ZC2HC1B: variants seen among roughly 807,000 people sequenced by gnomAD.
ZC2HC1B encodes the protein zinc finger C2HC-type containing 1B, also known as zinc finger C2HC domain-containing protein 1B.
Under a neutral mutation model 31.0 loss-of-function variants are expected in ZC2HC1B, and 36 were observed. That is an observed-to-expected ratio of 1.16 (90% CI 0.89 to 1.54). ZC2HC1B has a LOEUF of 1.54. Among genes scored for constraint, ZC2HC1B ranks in the 40% most tolerant of loss-of-function variants. The pLI is 0.00. For synonymous variants in ZC2HC1B, 73 were observed against 88.0 expected (o/e 0.83, Z 0.95); for missense variants, 260 against 268.6 (o/e 0.97, Z 0.22).
chr6:143,893,695 T>G (rs944101872), intron 4 of ZC2HC1B, among the ~76,000 whole-genome samples: 6 of 152,244 alleles, frequency 3.9e-5, no homozygotes, highest in Admixed American at 3.3e-4. Flanking sequence ...CTTTTCTTTC[T>G]TTTCTTTTTG....
In ZC2HC1B at chr6:143,902,526, A is replaced by C. The variant is rs559770987; in HGVS notation, c.490-518A>C. 7.9e-5 allele frequency among the ~76,000 whole-genome samples: 12 copies of C among 152,222 alleles called. No individual in the cohort carries two copies. In the South Asian group the frequency reaches 2.3e-3, roughly 29 times the overall value. ...GGCAAGATAAAAGGAGCATGTGAGAAACCTTTTGGTCCTTATTTCGTTTTA... is the reference window on the plus strand; with the variant it reads ...GGCAAGATAAAAGGAGCATGTGAGACACCTTTTGGTCCTTATTTCGTTTTA... On this transcript the variant is annotated intron_variant, in intron 5 of 7. Coordinates refer to ENST00000237275, the MANE Select transcript of ZC2HC1B (RefSeq NM_001013623.3).
intron 4 of ZC2HC1B, among the ~76,000 whole-genome samples, chr6:143,897,956 T>A (rs1777688034): frequency 6.6e-6 from 1 of 152,228 alleles, no homozygotes; most frequent in South Asian, 2.1e-4. Context: ...ATAATTCATT[T>A]CATTGAGAAG....
In ZC2HC1B at chr6:143,924,945, T is replaced by A. The variant is rs1008446399; in HGVS notation, c.599-12704T>A. On this transcript the variant is annotated intron_variant, in intron 6 of 7. Coordinates refer to ENST00000237275, the MANE Select transcript of ZC2HC1B (RefSeq NM_001013623.3). This position sits in a 1 kb window ranked among gnomAD's most constrained non-coding sequence, Gnocchi z 5.2. Reference sequence around the variant, plus strand: ...TTCATCAGGGGTATTGGCCTGTAGTTTTCTATTTCCATTATGTCCTTGTCT... The same window carrying A: ...TTCATCAGGGGTATTGGCCTGTAGTATTCTATTTCCATTATGTCCTTGTCT... 1.3e-5 allele frequency among the ~76,000 whole-genome samples: 2 copies of A among 152,136 alleles called. No individual in the cohort carries two copies. Among genetic ancestry groups the A allele is most frequent in the African/African-American group, 4.8e-5 (2 of 41,424 alleles).
chr6:143,889,890 A>C (rs1777576709), intron 4 of ZC2HC1B, among the ~76,000 whole-genome samples: 1 of 152,156 alleles, frequency 6.6e-6, no homozygotes, highest in African/African-American at 2.4e-5. Context: ...TGGAACAGTC[A>C]CCTAAGAGAG....
intron 6 of ZC2HC1B, among the ~76,000 whole-genome samples, chr6:143,909,772 C>T (rs1366302922): frequency 2.6e-5 from 4 of 151,842 alleles, no homozygotes; most frequent in East Asian, 3.9e-4. Flanking sequence ...TTATCATTTC[C>T]GATTGTGTTT....
At chr6:143,892,497 C>T (rs112547977) in intron 4 of ZC2HC1B, among the ~76,000 whole-genome samples, 21 of 152,142 alleles carry the variant, frequency 1.4e-4, no homozygotes, top group African/African-American at 4.3e-4. Context: ...GGGGTTTCTC[C>T]ATGTTGCCCA....
At position 143,898,539 on chromosome 6, in the gene ZC2HC1B, T is replaced by C. The variant is rs79749061; in HGVS notation, c.350-13T>C. The C allele has an allele frequency of 1.4e-3, 2,133 of 1,551,186 alleles. 25 individuals carry two copies. The African/African-American group carries it at 0.025, about 18-fold the overall frequency. The stretch of plus-strand genomic sequence containing the variant: ...AAGTGCTAATTGCCATTTGTTGTTA[T>C]CTTTACATTCAGATTATATTCAACG... On this transcript the variant is annotated splice_polypyrimidine_tract_variant and intron_variant, in intron 4 of 7. Coordinates refer to ENST00000237275, the MANE Select transcript of ZC2HC1B (RefSeq NM_001013623.3).
chr6:143,903,199 GA>G lies in ZC2HC1B; in HGVS notation c.598+48del. 6.7e-7 allele frequency: 1 copy of G among 1,502,224 alleles called. No homozygotes were observed. The highest frequency in any genetic ancestry group is 9.1e-7 in the Non-Finnish European group (1 of 1,101,760). 93.1% of individuals were successfully genotyped at this position (1,502,224 alleles called of 1,614,324 possible). On this transcript the variant is annotated intron_variant, in intron 6 of 7. Coordinates refer to ENST00000237275, the MANE Select transcript of ZC2HC1B (RefSeq NM_001013623.3). The surrounding 1 kb of genome is among the most constrained non-coding windows in gnomAD (Gnocchi z 4.3). ...ATCTCTCAAATGATGGGGGTCAGAG[GA>G]GATCACTGTTGGGTTTGGGATTCAC...
intron 1 of ZC2HC1B, among the ~76,000 whole-genome samples, chr6:143,879,453 T>C (rs374942526): frequency 6.6e-6 from 1 of 152,222 alleles, no homozygotes; most frequent in Non-Finnish European, 1.5e-5. Flanking sequence ...TTATGACTTA[T>C]GTTCCTGAGA....
chr6:143,875,535 A>G (rs1777395505), intron 1 of ZC2HC1B, among the ~76,000 whole-genome samples: 1 of 150,826 alleles, frequency 6.6e-6, no homozygotes, highest in Non-Finnish European at 1.5e-5. Context: ...CTATAAATTC[A>G]GCCCGATCCA....
At chr6:143,866,477 A>G (rs954021578) in intron 1 of ZC2HC1B, among the ~76,000 whole-genome samples, 1 of 152,208 alleles carries the variant, frequency 6.6e-6, no homozygotes, top group Non-Finnish European at 1.5e-5. Flanking sequence ...TACTGAATAC[A>G]TATGCTTTCT....
intron 4 of ZC2HC1B, among the ~76,000 whole-genome samples, chr6:143,897,585 G>A (rs568828938): frequency 3.3e-5 from 5 of 151,272 alleles, no homozygotes; most frequent in African/African-American, 7.3e-5. Flanking sequence ...AGCTGTTTTC[G>A]GTGAACTTTC....
chr6:143,867,558 C>T (rs1777279254), intron 1 of ZC2HC1B, among the ~76,000 whole-genome samples: 1 of 152,160 alleles, frequency 6.6e-6, no homozygotes, highest in Admixed American at 6.5e-5. Context: ...TCTAAACTCA[C>T]CCTGACCTCT....
chr6:143,929,337 A>C (rs1330632763), intron 6 of ZC2HC1B, among the ~76,000 whole-genome samples: 1 of 152,210 alleles, frequency 6.6e-6, no homozygotes, highest in Non-Finnish European at 1.5e-5. Context: ...TATTGAGATG[A>C]TAATATGGTT....
chr6:143,901,250 C>CA (rs1777734718), intron 5 of ZC2HC1B, among the ~76,000 whole-genome samples: 1 of 90,494 alleles, frequency 1.1e-5, no homozygotes, highest in South Asian at 3.8e-4. Flanking sequence ...TTCTTTCTTC[C>CA]TTTTTTTTTT....
chr6:143,931,885 C>T (rs193017665), intron 6 of ZC2HC1B, among the ~76,000 whole-genome samples: 226 of 124,564 alleles, frequency 1.8e-3, no homozygotes, highest in African/African-American at 6.5e-3. Flanking sequence ...TTTTTTTTAA[C>T]GGAGTTTCAC....
chr6:143,885,968 C>T lies in ZC2HC1B; in HGVS notation c.91-64C>T. 2.8e-6 allele frequency: 4 copies of T among 1,441,888 alleles called. No homozygotes were observed. Among genetic ancestry groups the T allele is most frequent in the South Asian group, 1.6e-5 (1 of 64,114 alleles). The allele number at this position is 1,441,888 out of a possible 1,614,324, so 89.3% of individuals were successfully genotyped here. A position where few individuals can be genotyped will look rare whatever the true frequency, so the allele number is the denominator to read the frequency against. On this transcript the variant is annotated intron_variant, in intron 2 of 7. Coordinates refer to ENST00000237275, the MANE Select transcript of ZC2HC1B (RefSeq NM_001013623.3). The surrounding 1 kb of genome is among the most constrained non-coding windows in gnomAD (Gnocchi z 4.2). ...CCCTGGAGTGGGGGCTGTCTAGGTACACCTAGGCATTAAAAACTGATTGTG... is the reference window on the plus strand; with the variant it reads ...CCCTGGAGTGGGGGCTGTCTAGGTATACCTAGGCATTAAAAACTGATTGTG...
chr6:143,873,115 T>C (rs957811106), intron 1 of ZC2HC1B, among the ~76,000 whole-genome samples: 2 of 152,044 alleles, frequency 1.3e-5, no homozygotes, highest in African/African-American at 4.8e-5. Flanking sequence ...AGGGTGCAGG[T>C]ATTGGGTAAA....
At chr6:143,932,665 A>G (rs972523139) in intron 6 of ZC2HC1B, among the ~76,000 whole-genome samples, 1 of 152,086 alleles carries the variant, frequency 6.6e-6, no homozygotes, top group African/African-American at 2.4e-5. Context: ...GGCAGTTCAG[A>G]GATTGCTTCT....
Sources: allele counts gnomAD v4.1 joint callset (sites outside exome capture counted in the v4.1 genomes callset), GRCh38; gene constraint gnomAD v4.1.1; non-coding constraint Gnocchi (gnomAD v3.1); transcripts MANE v1.5; gene names NCBI Gene and HGNC (gene_info 2026-07-23, HGNC 2026-07-21).